ZNF407: variants seen among roughly 807,000 people sequenced by gnomAD.
The protein encoded by ZNF407 is zinc finger protein 407.
A neutral mutation model predicts 131.2 loss-of-function variants in ZNF407; 17 were observed. The observed-to-expected ratio is 0.13, with a 90% confidence interval of 0.09 to 0.19. ZNF407 has a LOEUF of 0.19. Ranked by LOEUF, ZNF407 falls within the 10% of genes least tolerant of loss-of-function variation. The pLI is 1.00. For missense variants in ZNF407, 2,681 were observed against 2,830.6 expected (o/e 0.95, Z 1.20); for synonymous variants, 1,156 against 1,062.0 (o/e 1.09, Z -1.72).
chr18:74,841,853 G>C (rs1970638182), intron 4 of ZNF407, among the ~76,000 whole-genome samples: 1 of 152,188 alleles, frequency 6.6e-6, no homozygotes, highest in African/African-American at 2.4e-5. Context: ...TTGTAAAAAT[G>C]TCAGCGTCAT....
intron 8 of ZNF407, among the ~76,000 whole-genome samples, chr18:75,044,712 G>C (rs1160997468): frequency 6.6e-6 from 1 of 152,124 alleles, no homozygotes; most frequent in Non-Finnish European, 1.5e-5. Context: ...ATATTTTATT[G>C]TAAGTATATT....
chr18:75,053,725 T>C (rs1162789602), intron 8 of ZNF407, among the ~76,000 whole-genome samples: 1 of 152,272 alleles, frequency 6.6e-6, no homozygotes, highest in Non-Finnish European at 1.5e-5. Flanking sequence ...CTTGACAATG[T>C]CAGCGTCCAG....
chr18:74,936,062 T>C (rs1027699783), intron 8 of ZNF407, among the ~76,000 whole-genome samples: 8 of 152,262 alleles, frequency 5.3e-5, no homozygotes, highest in Non-Finnish European at 1.0e-4. Context: ...GCACTTAATA[T>C]ATTTTCTTTT....
Position 74,812,067 on chromosome 18 carries a change from C to A in ZNF407, c.4877+30565C>A, listed in dbSNP as rs1021842708. Among the ~76,000 whole-genome samples the A allele has an allele frequency of 3.4e-4, 51 of 152,022 alleles. 1 individual carries two copies. Among genetic ancestry groups the A allele is most frequent in the African/African-American group, 1.1e-3 (47 of 41,376 alleles). On this transcript the variant is annotated intron_variant, in intron 4 of 8. Coordinates refer to ENST00000299687, the MANE Select transcript of ZNF407 (RefSeq NM_017757.3). Reference sequence around the variant, plus strand: ...ATAAATAAATTTCATTGAACTTAATCTTTGCCTATTACTCTGTTAACTTTG... The same window carrying A: ...ATAAATAAATTTCATTGAACTTAATATTTGCCTATTACTCTGTTAACTTTG...
At chr18:74,667,539 A>C (rs961666984) in intron 3 of ZNF407, among the ~76,000 whole-genome samples, 2 of 152,218 alleles carry the variant, frequency 1.3e-5, no homozygotes, top group Admixed American at 6.5e-5. Context: ...GTGTTACTGC[A>C]CTTAATCCTC....
At chr18:74,986,844 A>AT (rs1260414591) in intron 8 of ZNF407, among the ~76,000 whole-genome samples, 5 of 152,162 alleles carry the variant, frequency 3.3e-5, no homozygotes, top group African/African-American at 9.6e-5. Context: ...TTATTCTTCT[A>AT]TTTTTTCTCT....
intron 1 of ZNF407, among the ~76,000 whole-genome samples, chr18:74,615,732 C>T (rs1983257551): frequency 1.3e-5 from 2 of 152,134 alleles, no homozygotes; most frequent in Non-Finnish European, 2.9e-5. Flanking sequence ...ACAGTTAGGA[C>T]ATTTTATGAG....
At chr18:74,825,628 G>A (rs1263677643) in intron 4 of ZNF407, among the ~76,000 whole-genome samples, 1 of 152,110 alleles carries the variant, frequency 6.6e-6, no homozygotes, top group Non-Finnish European at 1.5e-5. Flanking sequence ...ATGCCAATAG[G>A]AAACTGAAAA....
At chr18:75,015,084 T>C (rs185009074) in intron 8 of ZNF407, among the ~76,000 whole-genome samples, 302 of 152,234 alleles carry the variant, frequency 2.0e-3, no homozygotes, top group Middle Eastern at 3.4e-3. Context: ...CTACTAATGT[T>C]TGCCTTTTGC....
At chr18:74,778,366 A>G (rs1969518095) in intron 3 of ZNF407, among the ~76,000 whole-genome samples, 1 of 152,126 alleles carries the variant, frequency 6.6e-6, no homozygotes, top group African/African-American at 2.4e-5. Flanking sequence ...CTCTTTACTC[A>G]TAGGTCTCAT....
At chr18:74,623,558 T>G (rs774915474) in intron 1 of ZNF407, among the ~76,000 whole-genome samples, 10 of 152,228 alleles carry the variant, frequency 6.6e-5, no homozygotes, top group Admixed American at 2.6e-4. Context: ...TTCATTTGAC[T>G]GAAATAATTG....
intron 3 of ZNF407, among the ~76,000 whole-genome samples, chr18:74,723,140 A>G (rs1292237061): frequency 6.6e-6 from 1 of 152,176 alleles, no homozygotes; most frequent in Non-Finnish European, 1.5e-5. Flanking sequence ...TTTTGTTTCT[A>G]AAATTCTCAT....
intron 8 of ZNF407, chr18:75,062,794 C>A (rs773428158): frequency 7.4e-5 from 14 of 188,796 alleles, no homozygotes; most frequent in Non-Finnish European, 8.5e-5. Flanking sequence ...GCACCCGTGA[C>A]GGAACGCATT....
At chr18:74,780,179 G>C (rs1031328523) in intron 3 of ZNF407, among the ~76,000 whole-genome samples, 2 of 152,050 alleles carry the variant, frequency 1.3e-5, no homozygotes, top group Non-Finnish European at 2.9e-5. Context: ...GTTATTTTCA[G>C]TGTATGTAAG....
intron 8 of ZNF407, among the ~76,000 whole-genome samples, chr18:75,033,055 G>A (rs2122226028): frequency 8.0e-6 from 1 of 124,568 alleles, no homozygotes; most frequent in South Asian, 2.9e-4. Flanking sequence ...CGGAATGGGG[G>A]GAAGATAGTA....
At chr18:74,655,814 A>G (rs983843872) in intron 3 of ZNF407, among the ~76,000 whole-genome samples, 1 of 152,104 alleles carries the variant, frequency 6.6e-6, no homozygotes, top group South Asian at 2.1e-4. Flanking sequence ...AGTCGGTTCA[A>G]GGTTTAGCTT....
intron 1 of ZNF407, among the ~76,000 whole-genome samples, chr18:74,606,928 G>GGTGGTCTTTTC (rs1982832638): frequency 6.6e-6 from 1 of 152,224 alleles, no homozygotes; most frequent in Non-Finnish European, 1.5e-5. Flanking sequence ...GAAATACTAG[G>GGTGGTCTTTTC]GGTGGTCTTT....
chr18:74,706,477 T>C (rs1039355285), intron 3 of ZNF407, among the ~76,000 whole-genome samples: 2 of 152,144 alleles, frequency 1.3e-5, no homozygotes, highest in Non-Finnish European at 2.9e-5. Flanking sequence ...CCCCATGAAT[T>C]TGGATGCTCA....
chr18:74,869,320 T>C lies in ZNF407; in HGVS notation c.4878-7877T>C, dbSNP rs530533608. On this transcript the variant is annotated intron_variant, in intron 4 of 8. Coordinates refer to ENST00000299687, the MANE Select transcript of ZNF407 (RefSeq NM_017757.3). ...AGACTAGAGAACTGTGGCAGTTTAA[T>C]ATATGTCTTATTCTCCAGGACTTGA... 2.0e-5 allele frequency among the ~76,000 whole-genome samples: 3 copies of C among 152,354 alleles called. No homozygotes were observed. In the East Asian group the frequency reaches 5.8e-4, roughly 29 times the overall value.
Sources: allele counts gnomAD v4.1 joint callset (sites outside exome capture counted in the v4.1 genomes callset), GRCh38; gene constraint gnomAD v4.1.1; transcripts MANE v1.5; gene names NCBI Gene and HGNC (gene_info 2026-07-23, HGNC 2026-07-21).